The following FCHSD2 variants were observed in gnomAD, a reference collection of about 807,000 sequenced individuals.
The protein encoded by FCHSD2 is FCH and double SH3 domains 2.
FCHSD2 carries 38 observed loss-of-function variants against 108.1 expected under a neutral mutation model. The observed-to-expected ratio is 0.35, with a 90% CI of 0.27 to 0.46. The LOEUF is 0.46. Ranked by LOEUF, FCHSD2 falls within the 20% of genes least tolerant of loss-of-function variation. FCHSD2 has a pLI of 1.00. For synonymous variants in FCHSD2, 279 were observed against 314.7 expected (o/e 0.89, Z 1.20); for missense variants, 751 against 897.8 (o/e 0.84, Z 2.09).
intron 3 of FCHSD2, among the ~76,000 whole-genome samples, chr11:73,053,587 A>AGTGTGT (rs1858953010): frequency 6.6e-6 from 1 of 152,220 alleles, no homozygotes; most frequent in South Asian, 2.1e-4. Flanking sequence ...ATCTCTTGTG[A>AGTGTGT]GTAGTACTGT....
intron 9 of FCHSD2, among the ~76,000 whole-genome samples, chr11:72,919,619 T>C (rs1204713090): frequency 2.0e-5 from 3 of 152,108 alleles, no homozygotes; most frequent in Non-Finnish European, 1.5e-5. Flanking sequence ...CTTAAGAAAT[T>C]GTTAAGTGTG....
chr11:73,001,177 G>T (rs1857618910), intron 4 of FCHSD2, 43 bp from the exon 5 acceptor site: 1 of 1,594,516 alleles, frequency 6.3e-7, no homozygotes, highest in Admixed American at 1.8e-5. Context: ...CAGGGAACAG[G>T]AAGAAAAAGT....
At chr11:72,855,800 A>G (rs763396260) in intron 13 of FCHSD2, among the ~76,000 whole-genome samples, 4 of 152,212 alleles carry the variant, frequency 2.6e-5, no homozygotes, top group African/African-American at 2.4e-5. Flanking sequence ...TATTTATATG[A>G]GCATACGTAT....
At position 72,900,029 on chromosome 11, in the gene FCHSD2, T is replaced by C. The variant is rs778823846; in HGVS notation, c.924+2514A>G. On this transcript the variant is annotated intron_variant, in intron 10 of 19. Coordinates refer to ENST00000409418, the MANE Select transcript of FCHSD2 (RefSeq NM_014824.3). Reference sequence around the variant, plus strand: ...TCTAAGGTTCTCTCCAGCACACCTGTTGAAGAAGATTAAGGTGCTTCACAC... The same window carrying C: ...TCTAAGGTTCTCTCCAGCACACCTGCTGAAGAAGATTAAGGTGCTTCACAC... Among the ~76,000 whole-genome samples the C allele has an allele frequency of 7.7e-4, 118 of 152,266 alleles. 1 individual carries two copies. The highest frequency in any genetic ancestry group is 2.7e-3 in the African/African-American group (111 of 41,538).
At chr11:72,946,530 A>G (rs1208415869) in intron 8 of FCHSD2, among the ~76,000 whole-genome samples, 1 of 152,106 alleles carries the variant, frequency 6.6e-6, no homozygotes, top group African/African-American at 2.4e-5. Context: ...ACGTACCCTA[A>G]AACTTAAAGT....
intron 4 of FCHSD2, among the ~76,000 whole-genome samples, chr11:73,012,923 T>G (rs1452634391): frequency 6.6e-6 from 1 of 152,238 alleles, no homozygotes; most frequent in Non-Finnish European, 1.5e-5. Flanking sequence ...CCCTACAACT[T>G]GATTTCTGCT....
At chr11:73,079,561 A>T (rs1359145912) in intron 3 of FCHSD2, among the ~76,000 whole-genome samples, 1 of 152,176 alleles carries the variant, frequency 6.6e-6, no homozygotes, top group East Asian at 1.9e-4. Flanking sequence ...CCATACAGGA[A>T]ATGCAAATAA....
Position 72,910,309 on chromosome 11 carries a change from G to A in FCHSD2, c.829-7671C>T, listed in dbSNP as rs762197409. Among the ~76,000 whole-genome samples, 8 of 152,246 alleles carry A rather than the reference G, an allele frequency of 5.3e-5. 1 individual carries two copies. Among genetic ancestry groups the A allele is most frequent in the Non-Finnish European group, 1.0e-4 (7 of 68,042 alleles). On this transcript the variant is annotated intron_variant, in intron 9 of 19. Coordinates refer to ENST00000409418, the MANE Select transcript of FCHSD2 (RefSeq NM_014824.3). ...CTTTGTCCGGCCGCCCCGTCTGGGA[G>A]GTGTACCCAACAGCTCCGAAGAGAC...
At chr11:72,984,332 C>A in intron 7 of FCHSD2, 116 bp from the exon 8 acceptor site, 1 of 870,044 alleles carries the variant, frequency 1.1e-6, no homozygotes, top group Admixed American at 2.3e-5. Flanking sequence ...AAGGTAACCA[C>A]GTGCGGAAAA....
At chr11:72,927,283 G>A (rs1856095313) in intron 8 of FCHSD2, among the ~76,000 whole-genome samples, 1 of 152,148 alleles carries the variant, frequency 6.6e-6, no homozygotes, top group Non-Finnish European at 1.5e-5. Context: ...AGGGCAGTGA[G>A]GCCATTCTGT....
At chr11:72,851,101 CAAAAAAAAAA>C (rs55916551) in intron 13 of FCHSD2, among the ~76,000 whole-genome samples, 2 of 70,110 alleles carry the variant, frequency 2.9e-5, no homozygotes, top group East Asian at 4.5e-4. Flanking sequence ...GACTCTGTCT[CAAAAAAAAAA>C]AAAAAAAAAA....
At chr11:73,095,556 T>A (rs1341809369) in intron 2 of FCHSD2, among the ~76,000 whole-genome samples, 1 of 152,104 alleles carries the variant, frequency 6.6e-6, no homozygotes, top group Non-Finnish European at 1.5e-5. Context: ...AGGAAACATA[T>A]GTATGGACAT....
Position 72,984,012 on chromosome 11 carries a change from A to T in FCHSD2, c.705+76T>A, listed in dbSNP as rs1203074702. Reference sequence around the variant, plus strand: ...GCTACTCTTTTATAGATTCAATCCCATAAACCCAACACCCAACTTAAGTTG... The same window carrying T: ...GCTACTCTTTTATAGATTCAATCCCTTAAACCCAACACCCAACTTAAGTTG... On this transcript the variant is annotated intron_variant, in intron 8 of 19. Coordinates refer to ENST00000409418, the MANE Select transcript of FCHSD2 (RefSeq NM_014824.3). The T allele has an allele frequency of 3.2e-6, 4 of 1,239,594 alleles. No individual in the cohort carries two copies. In the African/African-American group the frequency reaches 6.0e-5, roughly 18 times the overall value. 76.8% of individuals were successfully genotyped at this position (1,239,594 alleles called of 1,614,324 possible).
intron 2 of FCHSD2, among the ~76,000 whole-genome samples, chr11:73,114,945 T>C (rs1860570575): frequency 1.3e-5 from 2 of 152,222 alleles, no homozygotes; most frequent in Non-Finnish European, 2.9e-5. Flanking sequence ...CACTAGGTCA[T>C]GTGCCCCACC....
At chr11:73,139,022 C>T (rs1054884185) in intron 2 of FCHSD2, among the ~76,000 whole-genome samples, 1 of 152,058 alleles carries the variant, frequency 6.6e-6, no homozygotes, top group Non-Finnish European at 1.5e-5. Flanking sequence ...TTGATATATC[C>T]AGGTTGGATG....
intron 8 of FCHSD2, among the ~76,000 whole-genome samples, chr11:72,959,289 G>T (rs1253327134): frequency 1.5e-5 from 2 of 130,202 alleles, no homozygotes; most frequent in Non-Finnish European, 3.1e-5. Context: ...GAGTGCAGTG[G>T]CCCGATCTCG....
At chr11:72,858,454 C>G (rs1248223138) in intron 13 of FCHSD2, among the ~76,000 whole-genome samples, 2 of 152,152 alleles carry the variant, frequency 1.3e-5, no homozygotes, top group Non-Finnish European at 1.5e-5. Context: ...AGAATGAGAT[C>G]ATGTCCTTTG....
intron 18 of FCHSD2, 110 bp from the exon 19 acceptor site, chr11:72,841,069 G>C (rs1860914272): frequency 1.3e-6 from 1 of 778,942 alleles, no homozygotes; most frequent in Non-Finnish European, 2.2e-6. Flanking sequence ...TTGGGATACT[G>C]AGGCGGGAGG....
chr11:73,055,986 T>C (rs1859015941), intron 3 of FCHSD2, among the ~76,000 whole-genome samples: 1 of 152,166 alleles, frequency 6.6e-6, no homozygotes, highest in Non-Finnish European at 1.5e-5. Flanking sequence ...CCCTTAAAAA[T>C]AGTTAAAATG....
Sources: allele counts gnomAD v4.1 joint callset (sites outside exome capture counted in the v4.1 genomes callset), GRCh38; gene constraint gnomAD v4.1.1; transcripts MANE v1.5; gene names NCBI Gene and HGNC (gene_info 2026-07-23, HGNC 2026-07-21).